The following TFEC variants were observed in gnomAD, a reference collection of about 807,000 sequenced individuals.
The protein encoded by TFEC is transcription factor EC, also known as class E basic helix-loop-helix protein 34.
TFEC carries 31 observed loss-of-function variants against 41.6 expected under a neutral mutation model. The observed-to-expected ratio is 0.74, with a 90% CI of 0.56 to 1.01. The LOEUF is 1.01. TFEC is among the 50% of genes least tolerant of loss of function. The pLI, the probability that TFEC is intolerant of heterozygous loss-of-function variation, is 0.00. For missense variants in TFEC, 402 were observed against 404.1 expected, an observed-to-expected ratio of 0.99 and a Z score of 0.04; for synonymous variants, 143 against 140.6, an observed-to-expected ratio of 1.02 and a Z score of -0.12.
chr7:115,957,763 C>G (rs536963036), intron 3 of TFEC, among the ~76,000 whole-genome samples: 6 of 151,664 alleles, frequency 4.0e-5, no homozygotes, highest in Non-Finnish European at 8.8e-5. Flanking sequence ...TATAATAAAA[C>G]AATGCTTTAA....
intron 3 of TFEC, among the ~76,000 whole-genome samples, chr7:116,095,531 G>C (rs1429453078): frequency 2.0e-5 from 3 of 152,120 alleles, no homozygotes; most frequent in Non-Finnish European, 4.4e-5. Context: ...GTAGACTATG[G>C]TCCTATCACT....
chr7:115,989,719 G>C (rs1284719399), intron 1 of TFEC, among the ~76,000 whole-genome samples: 1 of 152,188 alleles, frequency 6.6e-6, no homozygotes, highest in East Asian at 1.9e-4. Context: ...AGTAAACAAA[G>C]CGGCCGGGAA....
chr7:116,104,268 C>T (rs1797667397), intron 3 of TFEC, among the ~76,000 whole-genome samples: 1 of 152,046 alleles, frequency 6.6e-6, no homozygotes, highest in African/African-American at 2.4e-5. Flanking sequence ...CTCTAATTTC[C>T]CTCAGCTTCA....
At chr7:116,116,481 C>T (rs907696470) in intron 1 of TFEC, among the ~76,000 whole-genome samples, 4 of 151,810 alleles carry the variant, frequency 2.6e-5, no homozygotes, top group African/African-American at 9.7e-5. Flanking sequence ...AAGGCTGCCC[C>T]AGAGTTTTGT....
intron 1 of TFEC, among the ~76,000 whole-genome samples, chr7:115,990,733 A>C (rs958605525): frequency 6.6e-6 from 1 of 152,218 alleles, no homozygotes; most frequent in Non-Finnish European, 1.5e-5. Flanking sequence ...GGACTATGTA[A>C]AAAGACCAAA....
intron 6 of TFEC, among the ~76,000 whole-genome samples, chr7:115,944,462 T>C (rs751697431): frequency 6.6e-6 from 1 of 151,694 alleles, no homozygotes; most frequent in Non-Finnish European, 1.5e-5. Flanking sequence ...TCTCAACCTG[T>C]ACGTCTCAAT....
chr7:115,965,924 T>G (rs981354685), intron 3 of TFEC, among the ~76,000 whole-genome samples: 20 of 151,550 alleles, frequency 1.3e-4, no homozygotes, highest in Non-Finnish European at 2.2e-4. Context: ...AAGAGCTATT[T>G]CTCAGTTTGA....
chr7:116,139,893 G>C (rs1048151605), intron 1 of TFEC, among the ~76,000 whole-genome samples: 1 of 152,164 alleles, frequency 6.6e-6, no homozygotes, highest in Non-Finnish European at 1.5e-5. Flanking sequence ...ACCTTGACCA[G>C]GCACTCAGGG....
Position 115,940,499 on chromosome 7 carries a change from T to C in TFEC, c.*52A>G. The C allele has an allele frequency of 6.5e-7, 1 of 1,537,784 alleles. No individual in the cohort carries two copies. The highest frequency in any genetic ancestry group is 1.4e-5 in the African/African-American group (1 of 72,714). ...ATATGAAACACAGAGCATAATTGCA[T>C]AGCACCAGCATAGAATTGCTTTCCA... On this transcript the variant is annotated 3_prime_UTR_variant, in exon 8 of 8. Transcript: ENST00000265440.
chr7:116,150,761 A>C (rs1798744573), intron 1 of TFEC, among the ~76,000 whole-genome samples: 1 of 152,166 alleles, frequency 6.6e-6, no homozygotes, highest in Admixed American at 6.5e-5. Context: ...AAAATTCATA[A>C]GAAGAGTTTT....
At chr7:115,962,137 G>A (rs960847975) in intron 3 of TFEC, among the ~76,000 whole-genome samples, 1 of 151,550 alleles carries the variant, frequency 6.6e-6, no homozygotes, top group South Asian at 2.1e-4. Flanking sequence ...AACTTAACCC[G>A]AGAAGCGAAA....
chr7:116,114,216 AC>A (rs1323958843), intron 1 of TFEC, among the ~76,000 whole-genome samples: 1 of 151,972 alleles, frequency 6.6e-6, no homozygotes, highest in African/African-American at 2.4e-5. Context: ...GATGGGTCAA[AC>A]CCACTTCAGC....
intron 3 of TFEC, among the ~76,000 whole-genome samples, chr7:115,969,254 CT>C (rs978151375): frequency 6.6e-6 from 1 of 151,822 alleles, no homozygotes; most frequent in African/African-American, 2.4e-5. Context: ...TACAAAATCC[CT>C]GTCTTCAAGG....
intron 2 of TFEC, among the ~76,000 whole-genome samples, chr7:115,975,551 G>A (rs1219910833): frequency 6.6e-6 from 1 of 152,100 alleles, no homozygotes; most frequent in African/African-American, 2.4e-5. Flanking sequence ...ATTAAGCAAT[G>A]TTTACTGTGA....
chr7:116,096,213 A>G (rs1797456124), intron 3 of TFEC, among the ~76,000 whole-genome samples: 1 of 152,120 alleles, frequency 6.6e-6, no homozygotes, highest in South Asian at 2.1e-4. Flanking sequence ...ACATAAACAC[A>G]CACACCCCTA....
intron 1 of TFEC, among the ~76,000 whole-genome samples, chr7:115,995,264 C>T (rs2130743839): frequency 6.6e-6 from 1 of 151,462 alleles, no homozygotes; most frequent in African/African-American, 2.4e-5. Context: ...TTAATGGGTG[C>T]CGCACACCAA....
chr7:116,137,413 G>A (rs55734131), intron 1 of TFEC, among the ~76,000 whole-genome samples: 1,921 of 152,204 alleles, frequency 0.013, 41 homozygotes, highest in African/African-American at 0.044. Context: ...ACTTGCAAAA[G>A]TGTTGCTTTT....
intron 5 of TFEC, among the ~76,000 whole-genome samples, chr7:115,952,018 AT>A (rs1430442710): frequency 6.6e-6 from 1 of 152,038 alleles, no homozygotes; most frequent in Non-Finnish European, 1.5e-5. Context: ...AGGAAAATAT[AT>A]TTTTTTAAAT....
intron 1 of TFEC, among the ~76,000 whole-genome samples, chr7:116,150,481 T>C (rs1798737886): frequency 6.6e-6 from 1 of 152,040 alleles, no homozygotes. Context: ...CAGTTTTATT[T>C]TGGAGAAACT....
Sources: gnomAD v4.1 joint callset for allele counts (sites outside exome capture counted in the v4.1 genomes callset) on GRCh38, gnomAD v4.1.1 for gene constraint, MANE v1.5 for transcripts, NCBI Gene and HGNC (gene_info 2026-07-23, HGNC 2026-07-21) for gene names.